Variants in SH3KBP1 observed in about 807,000 individuals in gnomAD.
SH3KBP1 encodes SH3 domain containing kinase binding protein 1, also known as SH3 domain-containing kinase-binding protein 1.
SH3KBP1 carries 8 observed loss-of-function variants against 50.1 expected under a neutral mutation model. The observed-to-expected ratio is 0.16, with a 90% CI of 0.09 to 0.29. The LOEUF is 0.29. SH3KBP1 is among the 10% of genes least tolerant of loss of function. The pLI, the probability that SH3KBP1 is intolerant of heterozygous loss-of-function variation, is 1.00. For synonymous variants in SH3KBP1, 227 were observed against 218.6 expected (o/e 1.04, Z -0.34); for missense variants, 377 against 535.2 (o/e 0.70, Z 2.92).
At chrX:19,598,939 T>C (rs2066993599) in intron 9 of SH3KBP1, among the ~76,000 whole-genome samples, 1 of 111,952 alleles carries the variant, frequency 8.9e-6, no homozygotes, top group African/African-American at 3.3e-5. Flanking sequence ...ATTGGGAAAA[T>C]AGCGCCAGTA....
intron 2 of SH3KBP1, among the ~76,000 whole-genome samples, chrX:19,833,508 A>C (rs1420833960): frequency 0.035 from 741 of 21,202 alleles, no homozygotes; most frequent in Middle Eastern, 0.077. Flanking sequence ...CACCTTCCCA[A>C]AGTACTCCTT....
chrX:19,819,089 CAGTT>C (rs1488731457), intron 2 of SH3KBP1, among the ~76,000 whole-genome samples: 1 of 111,956 alleles, frequency 8.9e-6, no homozygotes, highest in East Asian at 2.8e-4. Context: ...ATTTCTTTAA[CAGTT>C]AGTTATAGGA....
chrX:19,550,578 T>C (rs1187598314), intron 13 of SH3KBP1, among the ~76,000 whole-genome samples: 4 of 111,453 alleles, frequency 3.6e-5, no homozygotes, highest in Admixed American at 9.5e-5. Context: ...AGCTATGTAG[T>C]CCAATTTGAG....
intron 7 of SH3KBP1, among the ~76,000 whole-genome samples, chrX:19,641,673 A>G (rs1460036293): frequency 8.9e-6 from 1 of 111,894 alleles, no homozygotes; most frequent in Admixed American, 9.4e-5. Context: ...CTGTTTTCCT[A>G]CAGTGAATGG....
At chrX:19,721,259 A>T (rs2064051489) in intron 3 of SH3KBP1, among the ~76,000 whole-genome samples, 1 of 111,332 alleles carries the variant, frequency 9.0e-6, no homozygotes, top group Non-Finnish European at 1.9e-5. Context: ...GGGGGTCTAA[A>T]CTTACATGGG....
chrX:19,872,833 TCACA>T (rs774471891), intron 1 of SH3KBP1, among the ~76,000 whole-genome samples: 30 of 96,490 alleles, frequency 3.1e-4, no homozygotes, highest in African/African-American at 9.6e-4. Context: ...TCTCTCTCTC[TCACA>T]CACACACACA....
chrX:19,881,689 C>T (rs142424848), intron 1 of SH3KBP1, among the ~76,000 whole-genome samples: 2,443 of 111,300 alleles, frequency 0.022, 79 homozygotes, highest in African/African-American at 0.076. Context: ...CGTCAATAGG[C>T]GACACCTGAA....
At chrX:19,880,518 C>T (rs1359437644) in intron 1 of SH3KBP1, among the ~76,000 whole-genome samples, 1 of 112,374 alleles carries the variant, frequency 8.9e-6, no homozygotes, top group Non-Finnish European at 1.9e-5. Context: ...ACTTTATACA[C>T]CTGCTATGGA....
chrX:19,582,156 C>T, intron 12 of SH3KBP1, among the ~76,000 whole-genome samples: 1 of 112,257 alleles, frequency 8.9e-6, no homozygotes, highest in Non-Finnish European at 1.9e-5. Context: ...CCAACTCCCC[C>T]ATATCTGGAC....
intron 7 of SH3KBP1, among the ~76,000 whole-genome samples, chrX:19,635,449 A>C (rs1044811920): frequency 3.7e-5 from 4 of 108,813 alleles, no homozygotes; most frequent in African/African-American, 1.3e-4. Flanking sequence ...GGGAACTTAG[A>C]GGATGGGTCA....
intron 6 of SH3KBP1, among the ~76,000 whole-genome samples, chrX:19,648,637 C>T (rs1402354453): frequency 9.0e-6 from 1 of 111,039 alleles, no homozygotes; most frequent in Non-Finnish European, 1.9e-5. Flanking sequence ...CTCAGTGTTA[C>T]CCTTTACTGG....
chrX:19,740,145 A>T (rs931921931), intron 3 of SH3KBP1, among the ~76,000 whole-genome samples: 9 of 111,560 alleles, frequency 8.1e-5, no homozygotes. Context: ...TAGGCTCAAT[A>T]GGTTCAGAAA....
intron 2 of SH3KBP1, among the ~76,000 whole-genome samples, chrX:19,783,770 A>C (rs897802914): frequency 3.7e-4 from 42 of 112,308 alleles, no homozygotes; most frequent in African/African-American, 1.4e-3. Context: ...CACACACACA[A>C]AAATCCTCAC....
At chrX:19,870,291 C>T (rs746440559) in intron 1 of SH3KBP1, among the ~76,000 whole-genome samples, 11 of 111,424 alleles carry the variant, frequency 9.9e-5, no homozygotes, top group Non-Finnish European at 2.1e-4. Flanking sequence ...GGGGACAGAG[C>T]TGGAGCAGTG....
At chrX:19,857,765 T>C (rs2068685448) in intron 1 of SH3KBP1, among the ~76,000 whole-genome samples, 1 of 111,328 alleles carries the variant, frequency 9.0e-6, no homozygotes. Flanking sequence ...AACAGAATTC[T>C]ATGCAATGTG....
chrX:19,832,732 A>G (rs1238284989), intron 2 of SH3KBP1, among the ~76,000 whole-genome samples: 12 of 111,717 alleles, frequency 1.1e-4, no homozygotes, highest in African/African-American at 3.6e-4. Flanking sequence ...AAGCCACAGG[A>G]CAGGAGCCTG....
At chrX:19,770,012 G>T (rs1280567640) in intron 2 of SH3KBP1, among the ~76,000 whole-genome samples, 2 of 111,562 alleles carry the variant, frequency 1.8e-5, no homozygotes, top group East Asian at 5.6e-4. Flanking sequence ...AATGGGCAAA[G>T]GTTATGAATA....
chrX:19,627,188 C>G (rs1287230208), intron 8 of SH3KBP1, among the ~76,000 whole-genome samples: 2 of 112,256 alleles, frequency 1.8e-5, no homozygotes, highest in Admixed American at 1.9e-4. Flanking sequence ...TGAGGAATGG[C>G]TGTTGCTCTG....
intron 1 of SH3KBP1, among the ~76,000 whole-genome samples, chrX:19,879,926 T>C (rs1237696338): frequency 8.9e-6 from 1 of 112,756 alleles, no homozygotes; most frequent in Non-Finnish European, 1.9e-5. Flanking sequence ...TAACTCTTTG[T>C]TGTGGTGGTG....
Sources: allele counts gnomAD v4.1 joint callset (sites outside exome capture counted in the v4.1 genomes callset), GRCh38; gene constraint gnomAD v4.1.1; transcripts MANE v1.5; gene names NCBI Gene and HGNC (gene_info 2026-07-23, HGNC 2026-07-21).